RTRAF: variants seen among roughly 807,000 people sequenced by gnomAD.
RTRAF encodes the protein tRNA-splicing ligase complex subunit RTRAF.
Under a neutral mutation model 34.4 loss-of-function variants are expected in RTRAF, and 14 were observed. The ratio of observed to expected loss-of-function variants is 0.41; its 90% CI spans 0.27 to 0.64. RTRAF has a LOEUF of 0.64. Ranked by LOEUF, RTRAF falls within the 30% of genes least tolerant of loss-of-function variation. The pLI, the probability that RTRAF is intolerant of heterozygous loss-of-function variation, is 0.34. For missense variants in RTRAF, 291 were observed against 288.4 expected (o/e 1.01, Z -0.06); for synonymous variants, 96 against 95.3 (o/e 1.01, Z -0.04).
In RTRAF at chr14:52,005,922, A is replaced by G; in HGVS notation, c.*1406A>G. 1 of 1,150,374 alleles carries G rather than the reference A, an allele frequency of 8.7e-7. No individual in the cohort carries two copies. Among genetic ancestry groups the G allele is most frequent in the Non-Finnish European group, 1.3e-6 (1 of 765,168 alleles). 71.3% of individuals were successfully genotyped at this position (1,150,374 alleles called of 1,614,324 possible). On this transcript the variant is annotated 3_prime_UTR_variant, in exon 8 of 8. Transcript: ENST00000261700. ...TAAAGAAGTCAGTCAGCCACAGAAAATCAGTTGCAATAGAGGAAAATTTCT... is the reference window on the plus strand; with the variant it reads ...TAAAGAAGTCAGTCAGCCACAGAAAGTCAGTTGCAATAGAGGAAAATTTCT...
rs559686886 is a variant in RTRAF, at chr14:52,003,380, A to G, written c.532-814A>G. Among the ~76,000 whole-genome samples, 34 of 152,226 alleles carry G rather than the reference A, an allele frequency of 2.2e-4. 1 individual carries two copies. In the South Asian group the frequency reaches 6.6e-3, roughly 30 times the overall value. Reference sequence around the variant, plus strand: ...TACCCATTGGTTTCTTCAGACTTACATGTGTTAGCTGTTTTAAAGCAGACA... The same window carrying G: ...TACCCATTGGTTTCTTCAGACTTACGTGTGTTAGCTGTTTTAAAGCAGACA... On this transcript the variant is annotated intron_variant, in intron 6 of 7. Transcript: ENST00000261700.
At position 52,008,696 on chromosome 14, in the gene RTRAF, A is replaced by G. The variant is rs1468988645; in HGVS notation, c.*4180A>G. 3.3e-5 allele frequency: 5 copies of G among 152,302 alleles called. No individual in the cohort carries two copies. The East Asian group carries it at 7.7e-4, about 23-fold the overall frequency. 9.4% of individuals were successfully genotyped at this position (152,302 alleles called of 1,614,324 possible). On this transcript the variant is annotated 3_prime_UTR_variant, in exon 8 of 8. Coordinates refer to ENST00000261700, the MANE Select transcript of RTRAF (RefSeq NM_016039.3). ...AAACCCTCCGTTTGTTGAAGTCTTG[A>G]ATTGGATCTTGGGTTTTAGAATAGA...
Position 52,007,631 on chromosome 14 carries a change from A to G in RTRAF, c.*3115A>G. ...TTGATATATCCTTCCCTCCACCCAA[A>G]CCCCAGAAAGTTCATTTTAAGACTC... On this transcript the variant is annotated 3_prime_UTR_variant, in exon 8 of 8. Coordinates refer to ENST00000261700, the MANE Select transcript of RTRAF (RefSeq NM_016039.3). 1 of 631,976 alleles carries G rather than the reference A, an allele frequency of 1.6e-6. No homozygotes were observed. The highest frequency in any genetic ancestry group is 2.0e-5 in the South Asian group (1 of 51,200). The allele number at this position is 631,976 out of a possible 1,614,324, so 39.1% of individuals were successfully genotyped here. A position where few individuals can be genotyped will look rare whatever the true frequency, so the allele number is the denominator to read the frequency against.
Position 52,006,353 on chromosome 14 carries a change from T to G in RTRAF, c.*1837T>G. The G allele has an allele frequency of 1.6e-6, 1 of 623,492 alleles. No individual in the cohort carries two copies. The highest frequency in any genetic ancestry group is 2.8e-6 in the Non-Finnish European group (1 of 363,278). The allele number at this position is 623,492 out of a possible 1,614,324, so 38.6% of individuals were successfully genotyped here. On this transcript the variant is annotated 3_prime_UTR_variant, in exon 8 of 8. Coordinates refer to ENST00000261700, the MANE Select transcript of RTRAF (RefSeq NM_016039.3). The stretch of plus-strand genomic sequence containing the variant: ...ATTTCTGGGTGAAGTAAAAGGATGA[T>G]TTCAAAAACATGAAAGGATGAAAAA...
At position 52,005,939 on chromosome 14, in the gene RTRAF, A is replaced by G; in HGVS notation, c.*1423A>G. The G allele has an allele frequency of 1.1e-6, 1 of 949,718 alleles. No individual in the cohort carries two copies. Among genetic ancestry groups the G allele is most frequent in the South Asian group, 1.4e-5 (1 of 73,602 alleles). 58.8% of individuals were successfully genotyped at this position (949,718 alleles called of 1,614,324 possible). On this transcript the variant is annotated 3_prime_UTR_variant, in exon 8 of 8. Coordinates refer to ENST00000261700, the MANE Select transcript of RTRAF (RefSeq NM_016039.3). ...CACAGAAAATCAGTTGCAATAGAGGAAAATTTCTGGCAGCCTTCTCTGTCC... is the reference window on the plus strand; with the variant it reads ...CACAGAAAATCAGTTGCAATAGAGGGAAATTTCTGGCAGCCTTCTCTGTCC...
In RTRAF at chr14:52,006,459, T is replaced by C; in HGVS notation, c.*1943T>C. 6 of 1,564,242 alleles carry C rather than the reference T, an allele frequency of 3.8e-6. No homozygotes were observed. The highest frequency in any genetic ancestry group is 5.2e-6 in the Non-Finnish European group (6 of 1,147,336). On this transcript the variant is annotated 3_prime_UTR_variant, in exon 8 of 8. Transcript: ENST00000261700. ...GGGCTTAATGAGTCAAGTCAGGTAC[T>C]GACTTTTGGTAAAACAAGTGGTGTG...
chr14:51,999,670 A>G, intron 4 of RTRAF, 38 bp from the exon 5 acceptor site: 1 of 1,357,518 alleles, frequency 7.4e-7, no homozygotes, highest in South Asian at 1.2e-5. Flanking sequence ...ATACGTTTGC[A>G]GGGTTGTAAG....
chr14:51,991,219 T>C (rs746012895), intron 1 of RTRAF, 98 bp from the exon 2 acceptor site: 2 of 1,288,098 alleles, frequency 1.6e-6, no homozygotes, highest in Admixed American at 2.2e-5. Flanking sequence ...ATTTTGAAGT[T>C]AAGAAAATTC....
At chr14:51,993,661 C>A in intron 2 of RTRAF, 62 bp from the exon 3 acceptor site, 2 of 1,028,182 alleles carry the variant, frequency 1.9e-6, no homozygotes, top group African/African-American at 1.6e-5. Flanking sequence ...CTCTCCCATT[C>A]TTTTTTCTGT....
At chr14:52,003,075 C>T (rs1022025244) in intron 6 of RTRAF, among the ~76,000 whole-genome samples, 4 of 152,128 alleles carry the variant, frequency 2.6e-5, no homozygotes, top group African/African-American at 4.8e-5. Context: ...AATCTCTTTG[C>T]TCTTGTTTGT....
At chr14:52,001,680 A>T in intron 5 of RTRAF, 118 bp from the exon 6 acceptor site, 1 of 706,764 alleles carries the variant, frequency 1.4e-6, no homozygotes, top group Non-Finnish European at 2.4e-6. Flanking sequence ...GGAGTTTATT[A>T]ATGAACTTAG....
Position 51,998,494 on chromosome 14 carries a change from C to T in RTRAF, c.287C>T (p.Ala96Val), listed in dbSNP as rs1429243867. The change falls in exon 4 of 8, where the codon GCT (alanine) becomes GTT (valine). Residue 96 changes from alanine to valine, a missense_variant and splice_region_variant. Transcript: ENST00000261700. The stretch of plus-strand genomic sequence containing the variant: ...ATTATATTTTTGCCTGTTTTTATAG[C>T]TGAAAAATACAAGGATTTAGTACCT... ...LAVRLEYGDN[A>V]EKYKDLVPDN... 1 of 1,534,954 alleles carries T rather than the reference C, an allele frequency of 6.5e-7. No individual in the cohort carries two copies. The highest frequency in any genetic ancestry group is 2.0e-5 in the Admixed American group (1 of 49,456).
chr14:51,992,503 G>A (rs575918892), intron 2 of RTRAF, among the ~76,000 whole-genome samples: 4 of 152,228 alleles, frequency 2.6e-5, no homozygotes, highest in South Asian at 4.1e-4. Context: ...AGTCCCTGGC[G>A]CATAGCAAGT....
intron 2 of RTRAF, 109 bp downstream of exon 2, chr14:51,991,550 G>C: frequency 7.8e-7 from 1 of 1,284,568 alleles, no homozygotes. Context: ...AATGATCAGT[G>C]TTAGGAAAGC....
intron 5 of RTRAF, 28 bp from the exon 6 acceptor site, chr14:52,001,770 A>C (rs1376054703): frequency 6.2e-7 from 1 of 1,602,526 alleles, no homozygotes; most frequent in South Asian, 1.1e-5. Context: ...CAGCCTATAA[A>C]AAGTAAAAAT....
intron 1 of RTRAF, among the ~76,000 whole-genome samples, chr14:51,990,752 A>G (rs573475379): frequency 1.4e-4 from 22 of 152,222 alleles, no homozygotes; most frequent in Admixed American, 3.3e-4. Context: ...CTTAATGTGC[A>G]GTTAACATTC....
At chr14:51,995,528 G>A (rs1487860067) in intron 3 of RTRAF, among the ~76,000 whole-genome samples, 3 of 151,984 alleles carry the variant, frequency 2.0e-5, no homozygotes, top group Non-Finnish European at 4.4e-5. Flanking sequence ...TGCCATGTAA[G>A]GTAACACATA....
Position 52,007,859 on chromosome 14 carries a change from A to G in RTRAF, c.*3343A>G. On this transcript the variant is annotated 3_prime_UTR_variant, in exon 8 of 8. Coordinates refer to ENST00000261700, the MANE Select transcript of RTRAF (RefSeq NM_016039.3). The stretch of plus-strand genomic sequence containing the variant: ...TAGAGAAAGGGTCAAAGGTTAAGCC[A>G]TTGGGCAATCCAATGTCTGTATTGA... 6 of 1,614,016 alleles carry G rather than the reference A, an allele frequency of 3.7e-6. No homozygotes were observed. The highest frequency in any genetic ancestry group is 5.1e-6 in the Non-Finnish European group (6 of 1,179,956).
At chr14:52,003,257 T>C (rs1056149627) in intron 6 of RTRAF, among the ~76,000 whole-genome samples, 1 of 152,102 alleles carries the variant, frequency 6.6e-6, no homozygotes, top group African/African-American at 2.4e-5. Flanking sequence ...TGGTGGCCTG[T>C]TGGCAAAGGA....
Sources: gnomAD v4.1 joint callset for allele counts (sites outside exome capture counted in the v4.1 genomes callset) on GRCh38, gnomAD v4.1.1 for gene constraint, MANE v1.5 for transcripts, NCBI Gene and HGNC (gene_info 2026-07-23, HGNC 2026-07-21) for gene names.